Variants in MMS19 observed in about 807,000 individuals in gnomAD.
MMS19 encodes MMS19 cytosolic iron-sulfur assembly component.
MMS19 carries 77 observed loss-of-function variants against 129.8 expected under a neutral mutation model. The ratio of observed to expected loss-of-function variants is 0.59; its 90% CI spans 0.49 to 0.72. The LOEUF (loss-of-function observed/expected upper bound fraction) is 0.72. MMS19 is among the 30% of genes least tolerant of loss of function. The pLI is 0.00. For synonymous variants in MMS19, 491 were observed against 502.8 expected, an observed-to-expected ratio of 0.98 and a Z score of 0.31; for missense variants, 1,168 against 1,266.3, an observed-to-expected ratio of 0.92 and a Z score of 1.18.
Position 97,466,577 on chromosome 10 carries a change from A to G in MMS19, c.1432T>C (p.Ser478Pro). ...TVLGAQPDLL[S>P]YEDLELAVGH... ...ACTGCCAGCTCCAAGTCCTCATAAG[A>G]TAGGAGATCTGTAGTTAGAAGGGAA... The change falls in exon 16 of 31, where the codon TCT becomes CCT. Residue 478 changes from serine to proline, a missense_variant. By Grantham distance (74) the Ser-to-Pro change is moderately conservative (BLOSUM62 -1). Transcript: ENST00000438925. 6.2e-7 allele frequency: 1 copy of G among 1,613,128 alleles called. No homozygotes were observed. Among genetic ancestry groups the G allele is most frequent in the African/African-American group, 1.3e-5 (1 of 75,030 alleles).
At position 97,497,239 on chromosome 10, in the gene MMS19, A is replaced by G. The variant is rs560939101; in HGVS notation, c.112+1034T>C. Among the ~76,000 whole-genome samples the G allele has an allele frequency of 3.9e-5, 6 of 152,312 alleles. No individual in the cohort carries two copies. The East Asian group carries it at 1.2e-3, about 29-fold the overall frequency. The stretch of plus-strand genomic sequence containing the variant: ...TGTATTTATATTCCTATTGCTTTGC[A>G]TCATGTTTGGGGAATAATATGTATT... On this transcript the variant is annotated intron_variant, in intron 1 of 30. Transcript: ENST00000438925.
intron 1 of MMS19, among the ~76,000 whole-genome samples, chr10:97,492,878 A>G (rs2039163975): frequency 7.4e-6 from 1 of 135,998 alleles, no homozygotes; most frequent in South Asian, 2.4e-4. Context: ...AAAAAAAAAA[A>G]GCCATATGTT....
chr10:97,476,938 G>T lies in MMS19; in HGVS notation c.519C>A (p.Phe173Leu). 1 of 1,613,866 alleles carries T rather than the reference G, an allele frequency of 6.2e-7. No individual in the cohort carries two copies. The highest frequency in any genetic ancestry group is 8.5e-7 in the Non-Finnish European group (1 of 1,179,792). The stretch of plus-strand genomic sequence containing the variant: ...CCATCACCTGGATGAAGCCAAAGGT[G>T]AAGTCAGCTCCTAGGCTCTTTAGCT... The part of the protein sequence containing the change: ...EEELKSLGAD[F>L]TFGFIQVMDG... Residue 173 changes from phenylalanine (F) to leucine (L), a missense_variant, in exon 7 of 31, where the codon TTC (phenylalanine) becomes TTA (leucine). Coordinates refer to ENST00000438925, the MANE Select transcript of MMS19 (RefSeq NM_022362.5).
intron 19 of MMS19, chr10:97,462,883 C>T: frequency 1.7e-6 from 1 of 582,538 alleles, no homozygotes; most frequent in Non-Finnish European, 3.1e-6. Flanking sequence ...CCACAGAGCG[C>T]TCCTGAGAAC....
chr10:97,467,862 C>A (rs534394733), intron 13 of MMS19, among the ~76,000 whole-genome samples: 10 of 138,886 alleles, frequency 7.2e-5, no homozygotes, highest in Non-Finnish European at 9.2e-5. Context: ...GAGATGTGGT[C>A]TTGTCTTGTT....
chr10:97,489,394 T>C lies in MMS19; in HGVS notation c.113-5243A>G, dbSNP rs183351342. Among the ~76,000 whole-genome samples the C allele has an allele frequency of 5.3e-5, 8 of 152,366 alleles. No individual in the cohort carries two copies. The East Asian group carries it at 1.3e-3, about 26-fold the overall frequency. On this transcript the variant is annotated intron_variant, in intron 1 of 30. Transcript: ENST00000438925. ...AGGGTTGAGAGGTAGACTATTGTTT[T>C]AAAAGAAATATTTCATTTTGGAATA...
chr10:97,463,163 GTTTT>G (rs11369236), intron 19 of MMS19, among the ~76,000 whole-genome samples: 3 of 129,224 alleles, frequency 2.3e-5, no homozygotes, highest in East Asian at 4.4e-4. Flanking sequence ...CTGTGAAACA[GTTTT>G]TTTTTTTTTT....
intron 8 of MMS19, among the ~76,000 whole-genome samples, chr10:97,473,295 T>C (rs1242874772): frequency 6.6e-6 from 1 of 152,036 alleles, no homozygotes; most frequent in Non-Finnish European, 1.5e-5. Context: ...CTCGGCCTCT[T>C]AAAGTGCTTA....
Position 97,461,545 on chromosome 10 carries a change from G to A in MMS19, c.2262C>T (p.Ser754=). Residue 754 remains serine, a synonymous_variant, in exon 23 of 31, where the codon TCC becomes TCT. Transcript: ENST00000438925. ...CTGCAAAGCACTTGGCAGCAGCGGTGGAAGAAAAGGGGCAGCTGTGGCAGC... is the reference window on the plus strand; with the variant it reads ...CTGCAAAGCACTTGGCAGCAGCGGTAGAAGAAAAGGGGCAGCTGTGGCAGC... ...LSCCHSCPFS[S]TAAAKCFAGL... is the part of the protein sequence containing the mutation. The A allele has an allele frequency of 1.9e-6, 3 of 1,604,404 alleles. No individual in the cohort carries two copies. The highest frequency in any genetic ancestry group is 2.6e-6 in the Non-Finnish European group (3 of 1,175,536).
intron 1 of MMS19, 67 bp from the exon 2 acceptor site, chr10:97,484,218 T>C (rs2037400946): frequency 1.5e-5 from 16 of 1,097,064 alleles, no homozygotes; most frequent in African/African-American, 3.2e-5. Context: ...TGAATAACAC[T>C]AATTATAATG....
rs559140903 is a variant in MMS19, at chr10:97,470,926, AC to A, written c.685-66del. ...CAGACCACCTTGAACACAGGCTCGA[AC>A]CTGGTAACCCTGCAGAACAGGGTGA... On this transcript the variant is annotated intron_variant, in intron 8 of 30. Coordinates refer to ENST00000438925, the MANE Select transcript of MMS19 (RefSeq NM_022362.5). 8.9e-5 allele frequency: 122 copies of A among 1,370,842 alleles called. No homozygotes were observed. The South Asian group carries it at 1.4e-3, about 16-fold the overall frequency. 84.9% of individuals were successfully genotyped at this position (1,370,842 alleles called of 1,614,324 possible).
intron 1 of MMS19, among the ~76,000 whole-genome samples, chr10:97,486,113 T>C (rs912690401): frequency 6.6e-6 from 1 of 152,216 alleles, no homozygotes; most frequent in Non-Finnish European, 1.5e-5. Context: ...ATGTGACGTG[T>C]GTGTACACAT....
chr10:97,481,186 GT>G, intron 2 of MMS19, 144 bp from the exon 3 acceptor site: 1 of 654,750 alleles, frequency 1.5e-6, no homozygotes. Context: ...CCAGGAAGGT[GT>G]TCCTGAGGTA....
intron 13 of MMS19, 48 bp downstream of exon 13, chr10:97,468,204 C>A (rs1326791886): frequency 2.0e-6 from 3 of 1,475,392 alleles, no homozygotes; most frequent in South Asian, 2.8e-5. Flanking sequence ...AGAAAGGGAA[C>A]CTAGCACACA....
In MMS19 at chr10:97,493,350, G is replaced by C. The variant is rs529891057; in HGVS notation, c.112+4923C>G. 9.2e-5 allele frequency among the ~76,000 whole-genome samples: 14 copies of C among 152,316 alleles called. No homozygotes were observed. The South Asian group carries it at 2.9e-3, about 32-fold the overall frequency. On this transcript the variant is annotated intron_variant, in intron 1 of 30. Transcript: ENST00000438925. Reference sequence around the variant, plus strand: ...AAACAATCACAGTAGGCTGAGGCTAGAGGATCGCTAGAGGTCAGGAGTTGG... The same window carrying C: ...AAACAATCACAGTAGGCTGAGGCTACAGGATCGCTAGAGGTCAGGAGTTGG...
intron 1 of MMS19, among the ~76,000 whole-genome samples, chr10:97,489,628 A>T: frequency 6.6e-6 from 1 of 152,218 alleles, no homozygotes; most frequent in East Asian, 1.9e-4. Context: ...ACTAATGCCA[A>T]ATTTCTGTTC....
At chr10:97,474,569 A>G (rs940836314) in intron 8 of MMS19, among the ~76,000 whole-genome samples, 5 of 152,048 alleles carry the variant, frequency 3.3e-5, no homozygotes, top group African/African-American at 4.8e-5. Flanking sequence ...AAAACAGAAC[A>G]GAACCAACAA....
intron 3 of MMS19, among the ~76,000 whole-genome samples, chr10:97,478,659 T>C (rs893517981): frequency 6.6e-6 from 1 of 151,968 alleles, no homozygotes; most frequent in Non-Finnish European, 1.5e-5. Flanking sequence ...AGAACTAGAG[T>C]TCACAAATTT....
chr10:97,479,868 TAG>T (rs1315662649), intron 3 of MMS19, among the ~76,000 whole-genome samples: 1 of 150,448 alleles, frequency 6.6e-6, no homozygotes, highest in Non-Finnish European at 1.5e-5. Flanking sequence ...TTTAGGCAAA[TAG>T]AGAGGAAAAG....
Sources: allele counts gnomAD v4.1 joint callset (sites outside exome capture counted in the v4.1 genomes callset), GRCh38; gene constraint gnomAD v4.1.1; transcripts MANE v1.5; gene names NCBI Gene and HGNC (gene_info 2026-07-23, HGNC 2026-07-21).